GPC2: variants seen among roughly 807,000 people sequenced by gnomAD.
GPC2 encodes glypican 2, also known as glypican-2.
In GPC2, 42 loss-of-function variants were observed where a neutral mutation model predicts 57.3. The ratio of observed to expected loss-of-function variants is 0.73; its 90% confidence interval spans 0.57 to 0.95. GPC2 has a LOEUF of 0.95. GPC2 is among the 40% of genes least tolerant of loss of function. GPC2 has a pLI of 0.00. For synonymous variants in GPC2, 364 were observed against 343.4 expected (o/e 1.06, Z -0.66); for missense variants, 745 against 793.6 (o/e 0.94, Z 0.74).
chr7:100,176,985 C>CGGGGGGG, intron 1 of GPC2, 49 bp downstream of exon 1: 4 of 432,530 alleles, frequency 9.2e-6, no homozygotes, highest in Non-Finnish European at 1.5e-5. Flanking sequence ...GAGGAGGCCC[C>CGGGGGGG]GCCCCCGCCC....
Position 100,177,081 on chromosome 7 carries a change from C to T in GPC2, c.119G>A (p.Gly40Glu). Residue 40 changes from glycine to glutamate, a missense_variant, in exon 1 of 10, where the codon GGG (glycine) becomes GAG (glutamate). By Grantham distance (98) the Gly-to-Glu change is moderately conservative (BLOSUM62 -2). Transcript: ENST00000292377. ...TAGGTTTAAGCTATATCCCCGGGCCCCCAGCACCTGCCGGGTCTCTGCACA... is the reference window on the plus strand; with the variant it reads ...TAGGTTTAAGCTATATCCCCGGGCCTCCAGCACCTGCCGGGTCTCTGCACA... Reference protein sequence around the residue: ...RSCAETRQVLGARGYSLNLIP... With the variant: ...RSCAETRQVLEARGYSLNLIP... The T allele has an allele frequency of 6.2e-7, 1 of 1,612,982 alleles. No homozygotes were observed. The highest frequency in any genetic ancestry group is 8.5e-7 in the Non-Finnish European group (1 of 1,179,572).
chr7:100,170,450 T>G lies in GPC2; in HGVS notation c.1520A>C (p.Gln507Pro). The G allele has an allele frequency of 6.3e-7, 1 of 1,578,312 alleles. No homozygotes were observed. The highest frequency in any genetic ancestry group is 8.6e-7 in the Non-Finnish European group (1 of 1,159,368). ...EDASGSGGGQ[Q>P]YADDWMAGAV... ...CCCAGCCATCCAGTCATCTGCATAC[T>G]GCTGTCCCCCTCCAGAGCCGCTGGC... Residue 507 changes from glutamine to proline, a missense_variant, in exon 10 of 10, where the codon CAG becomes CCG. Around this residue, in one of 2 missense-constraint regions of GPC2, gnomAD observed 607 missense variants for 603.9 expected, o/e 1.01. Transcript: ENST00000292377.
chr7:100,170,067 A>C lies in GPC2; in HGVS notation c.*163T>G. On this transcript the variant is annotated 3_prime_UTR_variant, in exon 10 of 10. Transcript: ENST00000292377. Reference sequence around the variant, plus strand: ...AAATAAATATTGTGAACACCCACCCACCTCTGATGAAAATCTCCTGGATTT... The same window carrying C: ...AAATAAATATTGTGAACACCCACCCCCCTCTGATGAAAATCTCCTGGATTT... The C allele has an allele frequency of 5.4e-6, 3 of 560,354 alleles. No individual in the cohort carries two copies. The highest frequency in any genetic ancestry group is 3.1e-5 in the South Asian group (1 of 32,622). 34.7% of individuals were successfully genotyped at this position (560,354 alleles called of 1,614,324 possible). A position where few individuals can be genotyped will look rare whatever the true frequency, so the allele number is the denominator to read the frequency against.
chr7:100,176,705 T>C (rs1799292428), intron 1 of GPC2, among the ~76,000 whole-genome samples: 1 of 151,352 alleles, frequency 6.6e-6, no homozygotes, highest in Non-Finnish European at 1.5e-5. Context: ...CTTGGAAGGG[T>C]GGGGTTACTT....
At chr7:100,175,500 G>C in intron 3 of GPC2, 72 bp downstream of exon 3, 1 of 1,241,012 alleles carries the variant, frequency 8.1e-7, no homozygotes, top group Non-Finnish European at 1.1e-6. Context: ...CGCCAGTTTG[G>C]AGGTGAGTGG....
In GPC2 at chr7:100,177,291, C is replaced by T. The variant is rs114132987; in HGVS notation, c.-92G>A. On this transcript the variant is annotated 5_prime_UTR_variant, in exon 1 of 10. Transcript: ENST00000292377. ...AATCCGGTACTCGGCCGCGGGACCG[C>T]TCCGCGGGCCAGAGAAAGAGCGCTG... 3,079 of 1,119,526 alleles carry T rather than the reference C, an allele frequency of 2.8e-3. 71 individuals carry two copies. In the African/African-American group the frequency reaches 0.044, roughly 16 times the overall value. The allele number at this position is 1,119,526 out of a possible 1,614,324, so 69.3% of individuals were successfully genotyped here. A position where few individuals can be genotyped will look rare whatever the true frequency, so the allele number is the denominator to read the frequency against.
rs750389626 is a variant in GPC2, at chr7:100,176,989, C to A, written c.166+45G>T. The A allele has an allele frequency of 3.3e-5, 10 of 302,456 alleles. 2 individuals carry two copies. Among genetic ancestry groups the A allele is most frequent in the South Asian group, 2.1e-4 (7 of 33,046 alleles). 18.7% of individuals were successfully genotyped at this position (302,456 alleles called of 1,614,324 possible). A position where few individuals can be genotyped will look rare whatever the true frequency, so the allele number is the denominator to read the frequency against. ...TATTGTGAGATGAGGAGGCCCCGCC[C>A]CCGCCCCCCACCCCCAATTCTCTAG... On this transcript the variant is annotated intron_variant, in intron 1 of 9. Coordinates refer to ENST00000292377, the MANE Select transcript of GPC2 (RefSeq NM_152742.3).
Position 100,171,230 on chromosome 7 carries a change from G to A in GPC2, c.1486+31C>T. ...GGGAGAGGCTTCAGGGCAGTGGGCG[G>A]GGCTCAGGCTCAGGGATGCAGGGGT... On this transcript the variant is annotated intron_variant, in intron 9 of 9. Transcript: ENST00000292377. The surrounding 1 kb of genome is among the most constrained non-coding windows in gnomAD (Gnocchi z 4.8). 1.3e-6 allele frequency: 2 copies of A among 1,505,684 alleles called. No individual in the cohort carries two copies. The highest frequency in any genetic ancestry group is 2.3e-4 in the Middle Eastern group (1 of 4,398). The allele number at this position is 1,505,684 out of a possible 1,614,324, so 93.3% of individuals were successfully genotyped here. A position where few individuals can be genotyped will look rare whatever the true frequency, so the allele number is the denominator to read the frequency against.
intron 2 of GPC2, 69 bp from the exon 3 acceptor site, chr7:100,175,963 A>G: frequency 3.1e-6 from 4 of 1,299,918 alleles, no homozygotes; most frequent in Non-Finnish European, 4.4e-6. Context: ...GTGAACAGGC[A>G]GAGGCAGGAG....
In GPC2 at chr7:100,177,358, G is replaced by A; in HGVS notation, c.-159C>T. The A allele has an allele frequency of 5.0e-6, 3 of 595,294 alleles. No individual in the cohort carries two copies. Among genetic ancestry groups the A allele is most frequent in the East Asian group, 6.8e-5 (2 of 29,574 alleles). 36.9% of individuals were successfully genotyped at this position (595,294 alleles called of 1,614,324 possible). On this transcript the variant is annotated 5_prime_UTR_variant, in exon 1 of 10. Transcript: ENST00000292377. ...ACCGAGCACGATAGCTGGACCAGGCGGCATCTGCCGAGACAATGGGAGCGG... is the reference window on the plus strand; with the variant it reads ...ACCGAGCACGATAGCTGGACCAGGCAGCATCTGCCGAGACAATGGGAGCGG...
At position 100,171,792 on chromosome 7, in the gene GPC2, T is replaced by A; in HGVS notation, c.1157A>T (p.Asn386Ile). 6.4e-7 allele frequency: 1 copy of A among 1,556,056 alleles called. No homozygotes were observed. The highest frequency in any genetic ancestry group is 1.1e-5 in the South Asian group (1 of 86,984). Residue 386 changes from asparagine to isoleucine, a missense_variant, in exon 7 of 10, where the codon AAC becomes ATC. Physicochemically the swap from Asn to Ile is moderately radical, Grantham distance 149. This residue lies in a region of GPC2 where 607 missense variants were observed against 603.9 expected (regional missense o/e 1.01). Coordinates refer to ENST00000292377, the MANE Select transcript of GPC2 (RefSeq NM_152742.3). This position sits in a 1 kb window ranked among gnomAD's most constrained non-coding sequence, Gnocchi z 4.8. Reference protein sequence around the residue: ...EERPTTAAGTNLHRLVWELRE... With the variant: ...EERPTTAAGTILHRLVWELRE... ...CATCCCACGCACCAGCCGGTGCAGG[T>A]TGGTGCCTGCGGCCGTCGTGGGCCG...
chr7:100,171,746 C>G lies in GPC2; in HGVS notation c.1170+33G>C, dbSNP rs1330292376. 4.7e-6 allele frequency: 7 copies of G among 1,491,854 alleles called. No individual in the cohort carries two copies. Among genetic ancestry groups the G allele is most frequent in the Middle Eastern group, 4.7e-4 (2 of 4,212 alleles). 92.4% of individuals were successfully genotyped at this position (1,491,854 alleles called of 1,614,324 possible). On this transcript the variant is annotated intron_variant, in intron 7 of 9. Transcript: ENST00000292377. The surrounding 1 kb of genome is among the most constrained non-coding windows in gnomAD (Gnocchi z 4.8). Reference sequence around the variant, plus strand: ...CCACAACCATCCCCGGCCCCGGGCCCCCCCGCCCCCAACTCTTGGTCATCC... The same window carrying G: ...CCACAACCATCCCCGGCCCCGGGCCGCCCCGCCCCCAACTCTTGGTCATCC...
chr7:100,176,660 CT>C (rs1268582198), intron 1 of GPC2, among the ~76,000 whole-genome samples: 2 of 152,118 alleles, frequency 1.3e-5, no homozygotes, highest in African/African-American at 4.8e-5. Context: ...CCTCGAGGGA[CT>C]TGGAGAACAG....
At chr7:100,175,980 G>A in intron 2 of GPC2, 86 bp from the exon 3 acceptor site, 1 of 1,128,522 alleles carries the variant, frequency 8.9e-7, no homozygotes, top group East Asian at 2.4e-5. Flanking sequence ...GGAGGAGATG[G>A]GAGAGAAGAG....
At chr7:100,170,989 T>A in intron 9 of GPC2, 53 of 262,250 alleles carry the variant, frequency 2.0e-4, no homozygotes, top group Non-Finnish European at 2.5e-4. Flanking sequence ...CCCTCCCCCA[T>A]TTTCCCACTG....
chr7:100,172,266 A>G (rs1165292472), intron 5 of GPC2, 49 bp from the exon 6 acceptor site: 29 of 1,593,080 alleles, frequency 1.8e-5, no homozygotes, highest in Non-Finnish European at 2.5e-5. Context: ...GGTGATACTG[A>G]ACTAGGATGT....
Position 100,171,468 on chromosome 7 carries a change from AGCG to A in GPC2, c.1311-35_1311-33del, listed in dbSNP as rs1799175414. ...GCAGAGCAGCCCCGAAGCGCCAGCT[AGCG>A]CGCGCGGCCCCGCCCCTCCCGGCCG... On this transcript the variant is annotated intron_variant, in intron 8 of 9. Transcript: ENST00000292377. The surrounding 1 kb of genome is among the most constrained non-coding windows in gnomAD (Gnocchi z 4.8). 1 of 1,355,040 alleles carries A rather than the reference AGCG, an allele frequency of 7.4e-7. No homozygotes were observed. The highest frequency in any genetic ancestry group is 9.4e-7 in the Non-Finnish European group (1 of 1,058,700). 83.9% of individuals were successfully genotyped at this position (1,355,040 alleles called of 1,614,324 possible). A position where few individuals can be genotyped will look rare whatever the true frequency, so the allele number is the denominator to read the frequency against.
In GPC2 at chr7:100,171,417, C is replaced by A. The variant is rs866698284; in HGVS notation, c.1330G>T (p.Gly444Trp). ...TTGACCTGCTCGGCCGGGGAGCCCC[C>A]GACCACTGGCGGCAAGTACCTGCGA... Reference protein sequence around the residue: ...GRGRYLPPVVGGSPAEQVNNP... With the variant: ...GRGRYLPPVVWGSPAEQVNNP... Residue 444 changes from glycine (G) to tryptophan (W), a missense_variant, in exon 9 of 10, where the codon GGG becomes TGG. Gly to Trp is a radical substitution (Grantham distance 184). This residue lies in a region of GPC2 where 607 missense variants were observed against 603.9 expected (regional missense o/e 1.01). Coordinates refer to ENST00000292377, the MANE Select transcript of GPC2 (RefSeq NM_152742.3). This position sits in a 1 kb window ranked among gnomAD's most constrained non-coding sequence, Gnocchi z 4.8. 6.8e-7 allele frequency: 1 copy of A among 1,466,152 alleles called. No homozygotes were observed. Among genetic ancestry groups the A allele is most frequent in the East Asian group, 2.9e-5 (1 of 35,014 alleles). The allele number at this position is 1,466,152 out of a possible 1,614,324, so 90.8% of individuals were successfully genotyped here. A position where few individuals can be genotyped will look rare whatever the true frequency, so the allele number is the denominator to read the frequency against.
At chr7:100,170,542 G>A (rs1799160854) in intron 9 of GPC2, 59 bp from the exon 10 acceptor site, 2 of 1,376,426 alleles carry the variant, frequency 1.5e-6, no homozygotes, top group Non-Finnish European at 1.9e-6. Context: ...GAGACAGAGG[G>A]AGGAAAAGAA....
Sources: allele counts gnomAD v4.1 joint callset (sites outside exome capture counted in the v4.1 genomes callset), GRCh38; gene constraint gnomAD v4.1.1; regional missense constraint gnomAD v4.1.1; non-coding constraint Gnocchi (gnomAD v3.1); transcripts MANE v1.5; gene names NCBI Gene and HGNC (gene_info 2026-07-23, HGNC 2026-07-21).